Variants in KIAA0513 observed in about 807,000 individuals in gnomAD.
KIAA0513 encodes uncharacterized protein KIAA0513.
Under a neutral mutation model 56.5 loss-of-function variants are expected in KIAA0513, and 39 were observed. That is an observed-to-expected ratio of 0.69 (90% confidence interval 0.53 to 0.90). The LOEUF (loss-of-function observed/expected upper bound fraction) is 0.90. Among genes scored for constraint, KIAA0513 ranks in the 40% least tolerant of loss-of-function variants. The probability of loss-of-function intolerance (pLI) is 0.00; values close to 1 mark genes in which losing one functional copy is unlikely to be tolerated. For synonymous variants in KIAA0513, 268 were observed against 215.6 expected, an observed-to-expected ratio of 1.24 and a Z score of -2.13; for missense variants, 591 against 535.2, an observed-to-expected ratio of 1.10 and a Z score of -1.03.
intron 1 of KIAA0513, among the ~76,000 whole-genome samples, chr16:85,048,416 C>G (rs1385716195): frequency 6.6e-6 from 1 of 152,208 alleles, no homozygotes; most frequent in Non-Finnish European, 1.5e-5. Context: ...CAGGTAGTCA[C>G]CCATGTGCAG....
chr16:85,036,742 G>A (rs1010114809), intron 1 of KIAA0513, among the ~76,000 whole-genome samples: 2 of 152,178 alleles, frequency 1.3e-5, no homozygotes, highest in African/African-American at 2.4e-5. Flanking sequence ...CACATTGCAT[G>A]TGGTCACACC....
chr16:85,072,023 C>G lies in KIAA0513; in HGVS notation c.429+141C>G, dbSNP rs140775526. 368 of 629,400 alleles carry G rather than the reference C, an allele frequency of 5.8e-4. 5 individuals carry two copies. The East Asian group carries it at 0.01, about 18-fold the overall frequency. The allele number at this position is 629,400 out of a possible 1,614,324, so 39.0% of individuals were successfully genotyped here. On this transcript the variant is annotated intron_variant, in intron 3 of 12. Transcript: ENST00000683363. Reference sequence around the variant, plus strand: ...GGACCCAACAGTAAAAAAAGTAAAACTTATCCAAAAATACTCTGAAAAGGA... The same window carrying G: ...GGACCCAACAGTAAAAAAAGTAAAAGTTATCCAAAAATACTCTGAAAAGGA...
rs192935008 is a variant in KIAA0513, at chr16:85,091,734, G to A, written c.*3409G>A. 1.2e-4 allele frequency: 18 copies of A among 152,330 alleles called. No individual in the cohort carries two copies. Among genetic ancestry groups the A allele is most frequent in the Admixed American group, 1.2e-3 (18 of 15,294 alleles). 9.4% of individuals were successfully genotyped at this position (152,330 alleles called of 1,614,324 possible). A position where few individuals can be genotyped will look rare whatever the true frequency, so the allele number is the denominator to read the frequency against. ...GTTGTGAGGAAAGAAGGCTGGAGCT[G>A]TGAGATTCGCTTTTCCCTAGGCTGT... is the stretch of plus-strand genomic sequence containing the variant. On this transcript the variant is annotated 3_prime_UTR_variant, in exon 13 of 13. Coordinates refer to ENST00000683363, the MANE Select transcript of KIAA0513 (RefSeq NM_001388359.1).
Position 85,081,470 on chromosome 16 carries a change from G to T in KIAA0513, c.980+78G>T. 1 of 1,247,868 alleles carries T rather than the reference G, an allele frequency of 8.0e-7. No individual in the cohort carries two copies. The highest frequency in any genetic ancestry group is 1.1e-6 in the Non-Finnish European group (1 of 870,888). 77.3% of individuals were successfully genotyped at this position (1,247,868 alleles called of 1,614,324 possible). A position where few individuals can be genotyped will look rare whatever the true frequency, so the allele number is the denominator to read the frequency against. On this transcript the variant is annotated intron_variant, in intron 9 of 12. Coordinates refer to ENST00000683363, the MANE Select transcript of KIAA0513 (RefSeq NM_001388359.1). This position sits in a 1 kb window ranked among gnomAD's most constrained non-coding sequence, Gnocchi z 4.4. Reference sequence around the variant, plus strand: ...GCTTTATTTCCCGGTTTCGGAAGAGGAGAGCAGAAGAGCAGCTGAGTGGAC... The same window carrying T: ...GCTTTATTTCCCGGTTTCGGAAGAGTAGAGCAGAAGAGCAGCTGAGTGGAC...
Position 85,078,419 on chromosome 16 carries a change from G to C in KIAA0513, c.787G>C (p.Asp263His), listed in dbSNP as rs1423743562. Residue 263 changes from aspartate to histidine, a missense_variant, in exon 7 of 13, where the codon GAC becomes CAC. By Grantham distance (81) the Asp-to-His change is moderately conservative (BLOSUM62 -1). Transcript: ENST00000683363. ...ATTGTGCCTTCTCTCCCTCAGGGAA[G>C]ACGAGAACAAACCCCAGGAGAAGCG... ...KGPLARRNEE[D>H]ENKPQEKRPR... The C allele has an allele frequency of 6.2e-7, 1 of 1,614,042 alleles. No individual in the cohort carries two copies. The highest frequency in any genetic ancestry group is 1.1e-5 in the South Asian group (1 of 91,088).
chr16:85,058,091 A>G (rs1182754284), intron 1 of KIAA0513, among the ~76,000 whole-genome samples: 2 of 152,160 alleles, frequency 1.3e-5, no homozygotes, highest in African/African-American at 4.8e-5. Flanking sequence ...CAGCACGCGG[A>G]TGCTATTTTG....
intron 2 of KIAA0513, among the ~76,000 whole-genome samples, chr16:85,069,824 C>G (rs1414574598): frequency 6.6e-6 from 1 of 152,118 alleles, no homozygotes; most frequent in Non-Finnish European, 1.5e-5. Context: ...ACGTCAGCGT[C>G]TGAGAGGCAC....
In KIAA0513 at chr16:85,092,339, G is replaced by C. The variant is rs1367423756; in HGVS notation, c.*4014G>C. 1 of 152,302 alleles carries C rather than the reference G, an allele frequency of 6.6e-6. No individual in the cohort carries two copies. The highest frequency in any genetic ancestry group is 1.5e-5 in the Non-Finnish European group (1 of 68,124). 9.4% of individuals were successfully genotyped at this position (152,302 alleles called of 1,614,324 possible). On this transcript the variant is annotated 3_prime_UTR_variant, in exon 13 of 13. Transcript: ENST00000683363. ...CTAAAACCAGACCACAGCACAGCCA[G>C]GGAGCCCAGTAGTGTTTCCAAGAAC...
chr16:85,071,763 C>A lies in KIAA0513; in HGVS notation c.330-20C>A. 7.3e-7 allele frequency: 1 copy of A among 1,370,850 alleles called. No individual in the cohort carries two copies. Among genetic ancestry groups the A allele is most frequent in the Non-Finnish European group, 9.9e-7 (1 of 1,008,824 alleles). The allele number at this position is 1,370,850 out of a possible 1,614,324, so 84.9% of individuals were successfully genotyped here. On this transcript the variant is annotated intron_variant, in intron 2 of 12. Transcript: ENST00000683363. ...AAGGGTTTTTTTTTTTTTTCCTCTG[C>A]TCTTTTTTTTTTTTTTTAGGGAGGA... is the stretch of plus-strand genomic sequence containing the variant.
At chr16:85,056,058 G>A (rs1291963797) in intron 1 of KIAA0513, among the ~76,000 whole-genome samples, 1 of 152,212 alleles carries the variant, frequency 6.6e-6, no homozygotes, top group Non-Finnish European at 1.5e-5. Context: ...TGTGCCTGTG[G>A]TTCAGCCCAG....
chr16:85,040,081 G>A (rs980253867), intron 1 of KIAA0513, among the ~76,000 whole-genome samples: 8 of 152,078 alleles, frequency 5.3e-5, no homozygotes, highest in Non-Finnish European at 1.0e-4. Flanking sequence ...TGATCCGCCC[G>A]CCTCAGCCTC....
Position 85,093,350 on chromosome 16 carries a change from A to C in KIAA0513, c.*5025A>C, listed in dbSNP as rs1480733499. 11 of 152,192 alleles carry C rather than the reference A, an allele frequency of 7.2e-5. No individual in the cohort carries two copies. The highest frequency in any genetic ancestry group is 7.2e-4 in the Admixed American group (11 of 15,260). The allele number at this position is 152,192 out of a possible 1,614,324, so 9.4% of individuals were successfully genotyped here. On this transcript the variant is annotated 3_prime_UTR_variant, in exon 13 of 13. Coordinates refer to ENST00000683363, the MANE Select transcript of KIAA0513 (RefSeq NM_001388359.1). ...CGATGGGCTGGGTTTGTTTACTCCA[A>C]CTTCCCTTCTACACCCCTCCTGCAG...
intron 1 of KIAA0513, among the ~76,000 whole-genome samples, chr16:85,063,061 G>A (rs985514312): frequency 6.6e-6 from 1 of 152,128 alleles, no homozygotes; most frequent in Non-Finnish European, 1.5e-5. Context: ...AGCTATCGGC[G>A]TGCAGGACCA....
At chr16:85,066,822 T>C (rs925901829) in intron 1 of KIAA0513, 78 bp from the exon 2 acceptor site, 5 of 433,470 alleles carry the variant, frequency 1.2e-5, no homozygotes, top group African/African-American at 1.0e-4. Context: ...AGAGATTCTC[T>C]TTCTGGGGAG....
chr16:85,071,716 C>G, intron 2 of KIAA0513, 67 bp from the exon 3 acceptor site: 1 of 1,286,244 alleles, frequency 7.8e-7, no homozygotes. Flanking sequence ...TTGCTCTTCC[C>G]CTGTTGCTCC....
intron 1 of KIAA0513, among the ~76,000 whole-genome samples, chr16:85,066,297 C>T (rs909013121): frequency 2.0e-4 from 31 of 152,036 alleles, no homozygotes; most frequent in South Asian, 4.2e-4. Context: ...GCTGAGGAGC[C>T]GAGGGGTGTG....
chr16:85,087,276 G>C, intron 12 of KIAA0513, 110 bp downstream of exon 12: 1 of 861,966 alleles, frequency 1.2e-6, no homozygotes, highest in Non-Finnish European at 1.9e-6. Context: ...TGTTGCAGTC[G>C]GAAACGTGGT....
intron 1 of KIAA0513, among the ~76,000 whole-genome samples, chr16:85,048,392 C>G (rs980491219): frequency 9.9e-5 from 15 of 152,150 alleles, no homozygotes; most frequent in African/African-American, 3.6e-4. Flanking sequence ...TGCATGATAT[C>G]AAGTGTCTGT....
chr16:85,035,218 C>T (rs2073019207), intron 1 of KIAA0513, among the ~76,000 whole-genome samples: 1 of 152,176 alleles, frequency 6.6e-6, no homozygotes, highest in African/African-American at 2.4e-5. Flanking sequence ...CCCTTCGCTG[C>T]CTGTTCCTCT....
Sources: allele counts gnomAD v4.1 joint callset (sites outside exome capture counted in the v4.1 genomes callset), GRCh38; gene constraint gnomAD v4.1.1; non-coding constraint Gnocchi (gnomAD v3.1); transcripts MANE v1.5; gene names NCBI Gene and HGNC (gene_info 2026-07-23, HGNC 2026-07-21).